Variants in IFT80 observed in about 807,000 individuals in gnomAD.
The protein encoded by IFT80 is intraflagellar transport 80, also known as intraflagellar transport protein 80 homolog.
A neutral mutation model predicts 107.9 loss-of-function variants in IFT80; 79 were observed. The ratio of observed to expected loss-of-function variants is 0.73; its 90% confidence interval spans 0.61 to 0.88. The LOEUF (loss-of-function observed/expected upper bound fraction) is 0.88. Ranked by LOEUF, IFT80 falls within the 40% of genes least tolerant of loss-of-function variation. The pLI is 0.00. For missense variants in IFT80, 797 were observed against 914.2 expected (o/e 0.87, Z 1.65); for synonymous variants, 299 against 300.9 (o/e 0.99, Z 0.07).
chr3:160,347,508 A>T (rs1418856829), intron 8 of IFT80, among the ~76,000 whole-genome samples: 1 of 152,218 alleles, frequency 6.6e-6, no homozygotes, highest in Non-Finnish European at 1.5e-5. Context: ...TAACTGATAC[A>T]GAGTCAGAGA....
intron 12 of IFT80, among the ~76,000 whole-genome samples, chr3:160,289,996 A>C (rs1235465542): frequency 6.6e-6 from 1 of 152,168 alleles, no homozygotes; most frequent in Non-Finnish European, 1.5e-5. Flanking sequence ...ATTAAGGTGA[A>C]AGTTTGAATG....
chr3:160,277,694 T>G (rs1461090670), intron 16 of IFT80, 24 bp from the exon 17 acceptor site: 2 of 1,472,490 alleles, frequency 1.4e-6, no homozygotes, highest in African/African-American at 2.8e-5. Flanking sequence ...TGAGAACAAT[T>G]ATCTTAACTA....
Position 160,341,016 on chromosome 3 carries a change from C to CTT in IFT80, c.777+14995_777+14996dup, listed in dbSNP as rs11373101. ...ACACATAAAATGATATTTTTACTAC[C>CTT]TTTTTTTTTTGTTTTTGAGACAAGT... On this transcript the variant is annotated intron_variant, in intron 8 of 19. Coordinates refer to ENST00000326448, the MANE Select transcript of IFT80 (RefSeq NM_020800.3). Among the ~76,000 whole-genome samples the CTT allele has an allele frequency of 6.0e-4, 90 of 149,582 alleles. 1 individual carries two copies. Among genetic ancestry groups the CTT allele is most frequent in the African/African-American group, 8.3e-4 (34 of 40,840 alleles).
chr3:160,336,524 C>T (rs770002233), intron 8 of IFT80, among the ~76,000 whole-genome samples: 3 of 151,894 alleles, frequency 2.0e-5, no homozygotes, highest in Non-Finnish European at 2.9e-5. Context: ...CCCATTTCCT[C>T]CCTCTCTCTA....
intron 5 of IFT80, chr3:160,373,746 C>T (rs920904825): frequency 2.5e-5 from 4 of 157,064 alleles, no homozygotes; most frequent in Non-Finnish European, 4.2e-5. Context: ...CCAGATCCCT[C>T]GTATGCACAG....
At chr3:160,367,566 A>G (rs1336405303) in intron 5 of IFT80, among the ~76,000 whole-genome samples, 4 of 152,056 alleles carry the variant, frequency 2.6e-5, no homozygotes, top group Non-Finnish European at 4.4e-5. Context: ...TTTGTTATCT[A>G]TTAGGTTTGG....
At position 160,282,486 on chromosome 3, in the gene IFT80, A is replaced by C; in HGVS notation, c.1508T>G (p.Ile503Ser). ...VKRFGKEEQI[I>S]KLGTMVHTLA... Reference sequence around the variant, plus strand: ...TATTAAAATTATTTTACCAAGCTTGATAATTTGTTCTTCCTTCCCAAATCG... The same window carrying C: ...TATTAAAATTATTTTACCAAGCTTGCTAATTTGTTCTTCCTTCCCAAATCG... Residue 503 changes from isoleucine to serine, a missense_variant, in exon 14 of 20, where the codon ATC becomes AGC. Physicochemically the swap from Ile to Ser is moderately radical, Grantham distance 142. Coordinates refer to ENST00000326448, the MANE Select transcript of IFT80 (RefSeq NM_020800.3). The C allele has an allele frequency of 6.3e-7, 1 of 1,584,920 alleles. No homozygotes were observed. The highest frequency in any genetic ancestry group is 8.6e-7 in the Non-Finnish European group (1 of 1,159,466).
intron 9 of IFT80, 92 bp downstream of exon 9, chr3:160,319,668 C>T: frequency 9.1e-7 from 1 of 1,100,796 alleles, no homozygotes; most frequent in Non-Finnish European, 1.4e-6. Context: ...ATAAGCTTGA[C>T]TAAATATAAT....
chr3:160,365,929 T>C (rs1721830803), intron 6 of IFT80, 114 bp downstream of exon 6: 1 of 783,124 alleles, frequency 1.3e-6, no homozygotes, highest in Non-Finnish European at 2.3e-6. Flanking sequence ...AACCATGTAC[T>C]TAAAGACCAG....
intron 4 of IFT80, among the ~76,000 whole-genome samples, chr3:160,376,221 A>C (rs1204265389): frequency 1.3e-5 from 2 of 152,230 alleles, no homozygotes; most frequent in Non-Finnish European, 2.9e-5. Context: ...TAGAATTCTA[A>C]GAAAAGTGTT....
At chr3:160,343,677 A>G (rs748161234) in intron 8 of IFT80, 1 of 222,354 alleles carries the variant, frequency 4.5e-6, no homozygotes, top group Admixed American at 5.9e-5. Flanking sequence ...ATTAGTTTCT[A>G]TATTTGTTTT....
At chr3:160,354,693 T>A (rs568781027) in intron 8 of IFT80, among the ~76,000 whole-genome samples, 15 of 152,036 alleles carry the variant, frequency 9.9e-5, no homozygotes, top group African/African-American at 3.6e-4. Context: ...AAAGAATGAA[T>A]GGGACTCACT....
At chr3:160,388,765 C>G (rs1713135426) in intron 1 of IFT80, among the ~76,000 whole-genome samples, 1 of 151,844 alleles carries the variant, frequency 6.6e-6, no homozygotes, top group Admixed American at 6.6e-5. Flanking sequence ...CCAGTGAACC[C>G]AAATAAATAT....
intron 10 of IFT80, among the ~76,000 whole-genome samples, chr3:160,305,693 T>G (rs979439816): frequency 3.3e-5 from 5 of 152,182 alleles, no homozygotes; most frequent in Admixed American, 2.0e-4. Context: ...GAAAATTTAA[T>G]GTAGAATGCT....
intron 18 of IFT80, among the ~76,000 whole-genome samples, chr3:160,270,225 T>C (rs569192911): frequency 6.6e-6 from 1 of 152,382 alleles, no homozygotes; most frequent in South Asian, 2.1e-4. Flanking sequence ...GGTCTTCAAC[T>C]CCTGACCTCA....
At chr3:160,371,461 A>T (rs1317633083) in intron 5 of IFT80, among the ~76,000 whole-genome samples, 1 of 152,020 alleles carries the variant, frequency 6.6e-6, no homozygotes, top group Non-Finnish European at 1.5e-5. Flanking sequence ...ATTTTTTTTG[A>T]GAAAGGGTCT....
chr3:160,337,813 C>A (rs1275060846), intron 8 of IFT80, among the ~76,000 whole-genome samples: 1 of 151,702 alleles, frequency 6.6e-6, no homozygotes, highest in East Asian at 1.9e-4. Context: ...TTTCCCTTTT[C>A]TCTAAATTCT....
intron 5 of IFT80, among the ~76,000 whole-genome samples, chr3:160,375,491 TC>T (rs1436851340): frequency 6.6e-6 from 1 of 152,122 alleles, no homozygotes; most frequent in Non-Finnish European, 1.5e-5. Flanking sequence ...GACCTCCAAT[TC>T]TATATAAGAT....
At chr3:160,280,478 TATC>T (rs1337260784) in intron 15 of IFT80, among the ~76,000 whole-genome samples, 186 bp downstream of exon 15, 1 of 152,150 alleles carries the variant, frequency 6.6e-6, no homozygotes. Context: ...AAATAATTCA[TATC>T]ATACCACACT....
Sources: allele counts gnomAD v4.1 joint callset (sites outside exome capture counted in the v4.1 genomes callset), GRCh38; gene constraint gnomAD v4.1.1; transcripts MANE v1.5; gene names NCBI Gene and HGNC (gene_info 2026-07-23, HGNC 2026-07-21).